The following KCTD16 variants were observed in gnomAD, a reference collection of about 807,000 sequenced individuals.
KCTD16 encodes the protein potassium channel tetramerization domain containing 16, also known as BTB/POZ domain-containing protein KCTD16.
In KCTD16, 13 loss-of-function variants were observed where a neutral mutation model predicts 33.2. That is an observed-to-expected ratio of 0.39 (90% CI 0.25 to 0.62). The LOEUF is 0.62. KCTD16 is among the 20% of genes least tolerant of loss of function. The probability of loss-of-function intolerance (pLI) is 0.50; values close to 1 mark genes in which losing one functional copy is unlikely to be tolerated. For missense variants in KCTD16, 441 were observed against 525.1 expected (o/e 0.84, Z 1.57); for synonymous variants, 197 against 195.3 (o/e 1.01, Z -0.07).
chr5:144,478,693 A>C lies in KCTD16; in HGVS notation c.*4579A>C, dbSNP rs1414155070. 2 of 152,036 alleles carry C rather than the reference A, an allele frequency of 1.3e-5. No individual in the cohort carries two copies. Among genetic ancestry groups the C allele is most frequent in the Admixed American group, 1.3e-4 (2 of 15,242 alleles). 9.4% of individuals were successfully genotyped at this position (152,036 alleles called of 1,614,324 possible). A position where few individuals can be genotyped will look rare whatever the true frequency, so the allele number is the denominator to read the frequency against. On this transcript the variant is annotated 3_prime_UTR_variant, in exon 4 of 4. Transcript: ENST00000512467. ...TTTGAAAAATTCTGCTGTTTAGGGA[A>C]TATGCAGAGGCCAAGAGTTCCTTTA...
intron 3 of KCTD16, among the ~76,000 whole-genome samples, chr5:144,401,690 A>T (rs1308268120): frequency 6.6e-6 from 1 of 152,236 alleles, no homozygotes; most frequent in Non-Finnish European, 1.5e-5. Context: ...TATCCCATCT[A>T]TTCATCCAAT....
chr5:144,252,733 A>G (rs578082084), intron 3 of KCTD16, among the ~76,000 whole-genome samples: 1 of 151,888 alleles, frequency 6.6e-6, no homozygotes, highest in South Asian at 2.1e-4. Flanking sequence ...GCTGGAAAAA[A>G]CTGTGCAACT....
intron 3 of KCTD16, among the ~76,000 whole-genome samples, chr5:144,331,894 G>A (rs1404498344): frequency 6.6e-6 from 1 of 152,130 alleles, no homozygotes; most frequent in Non-Finnish European, 1.5e-5. Context: ...AAGTAAGAAA[G>A]CTCCTTTATG....
At chr5:144,432,891 TATTTTTA>T (rs1298338174) in intron 3 of KCTD16, among the ~76,000 whole-genome samples, 1 of 152,162 alleles carries the variant, frequency 6.6e-6, no homozygotes, top group Non-Finnish European at 1.5e-5. Context: ...TTAATAAACA[TATTTTTA>T]ATTTTTAATA....
intron 3 of KCTD16, among the ~76,000 whole-genome samples, chr5:144,372,697 T>C (rs1259250506): frequency 7.9e-5 from 12 of 152,104 alleles, no homozygotes; most frequent in Non-Finnish European, 1.8e-4. Context: ...GTCTAAAGGC[T>C]TGGTGATGGG....
At chr5:144,369,010 G>A (rs563756896) in intron 3 of KCTD16, among the ~76,000 whole-genome samples, 102 of 152,218 alleles carry the variant, frequency 6.7e-4, no homozygotes, top group African/African-American at 2.4e-3. Context: ...CTGAAAATGA[G>A]GACTGCCTCA....
At chr5:144,324,748 A>G (rs926725858) in intron 3 of KCTD16, among the ~76,000 whole-genome samples, 5 of 152,246 alleles carry the variant, frequency 3.3e-5, no homozygotes, top group African/African-American at 1.2e-4. Context: ...TGCAGCCATA[A>G]AAAGGAACAA....
intron 3 of KCTD16, among the ~76,000 whole-genome samples, chr5:144,288,272 C>T (rs1411742185): frequency 6.6e-6 from 1 of 152,180 alleles, no homozygotes; most frequent in Non-Finnish European, 1.5e-5. Flanking sequence ...AGACCTTGAA[C>T]AAATTGCTTA....
intron 3 of KCTD16, among the ~76,000 whole-genome samples, chr5:144,358,090 ATTTTTTTT>A (rs539287370): frequency 7.9e-5 from 9 of 114,438 alleles, no homozygotes; most frequent in Non-Finnish European, 1.4e-4. Context: ...CACCCGGCTA[ATTTTTTTT>A]TTTTTTTTTT....
At chr5:144,267,118 A>T (rs1373075468) in intron 3 of KCTD16, among the ~76,000 whole-genome samples, 2 of 152,234 alleles carry the variant, frequency 1.3e-5, no homozygotes, top group African/African-American at 4.8e-5. Flanking sequence ...CTCTATCACC[A>T]TTCTCAAGGA....
chr5:144,185,253 T>G (rs1232802010), intron 2 of KCTD16, among the ~76,000 whole-genome samples: 1 of 152,198 alleles, frequency 6.6e-6, no homozygotes, highest in Non-Finnish European at 1.5e-5. Flanking sequence ...TGACACCTAC[T>G]CAGTCTTTTA....
intron 1 of KCTD16, among the ~76,000 whole-genome samples, chr5:144,173,121 A>G (rs756899060): frequency 1.3e-5 from 2 of 152,216 alleles, no homozygotes; most frequent in Non-Finnish European, 2.9e-5. Context: ...CAGCAATCCC[A>G]TTACTGGGAA....
chr5:144,173,166 C>G (rs1013764723), intron 1 of KCTD16, among the ~76,000 whole-genome samples: 20 of 152,188 alleles, frequency 1.3e-4, no homozygotes, highest in African/African-American at 4.1e-4. Flanking sequence ...TCTATCATAA[C>G]TACGCATGCA....
chr5:144,278,375 A>G (rs1471169052), intron 3 of KCTD16, among the ~76,000 whole-genome samples: 1 of 151,938 alleles, frequency 6.6e-6, no homozygotes, highest in Non-Finnish European at 1.5e-5. Context: ...CCTTTTATCA[A>G]TACCACCTTG....
At chr5:144,367,438 T>G (rs1412056019) in intron 3 of KCTD16, among the ~76,000 whole-genome samples, 1 of 152,164 alleles carries the variant, frequency 6.6e-6, no homozygotes, top group Non-Finnish European at 1.5e-5. Context: ...AAAATAGTTT[T>G]CCTTTTTCTT....
chr5:144,389,700 A>T (rs1269769408), intron 3 of KCTD16, among the ~76,000 whole-genome samples: 1 of 152,098 alleles, frequency 6.6e-6, no homozygotes, highest in Non-Finnish European at 1.5e-5. Flanking sequence ...CCACGAAACC[A>T]GTCCCCTGTG....
Position 144,343,321 on chromosome 5 carries a change from C to T in KCTD16, c.833-130339C>T, listed in dbSNP as rs1408681272. 1.3e-4 allele frequency among the ~76,000 whole-genome samples: 19 copies of T among 151,904 alleles called. No homozygotes were observed. The South Asian group carries it at 1.5e-3, about 12-fold the overall frequency. ...TTTAGTCTTGGGAGGGTGTATGTGT[C>T]GAGGAATTTATCCATTTCTTCTAGA... On this transcript the variant is annotated intron_variant, in intron 3 of 3. Coordinates refer to ENST00000512467, the MANE Select transcript of KCTD16 (RefSeq NM_020768.4).
At chr5:144,411,254 T>A (rs1470850034) in intron 3 of KCTD16, among the ~76,000 whole-genome samples, 1 of 152,152 alleles carries the variant, frequency 6.6e-6, no homozygotes, top group Admixed American at 6.5e-5. Flanking sequence ...AGAACAAAGC[T>A]GGAGGCATCA....
intron 1 of KCTD16, among the ~76,000 whole-genome samples, chr5:144,171,797 T>G (rs1442217076): frequency 4.6e-5 from 7 of 152,228 alleles, no homozygotes; most frequent in Admixed American, 4.6e-4. Flanking sequence ...ATTTGTGTGT[T>G]GGTTCTAAAA....
Sources: gnomAD v4.1 joint callset for allele counts (sites outside exome capture counted in the v4.1 genomes callset) on GRCh38, gnomAD v4.1.1 for gene constraint, MANE v1.5 for transcripts, NCBI Gene and HGNC (gene_info 2026-07-23, HGNC 2026-07-21) for gene names.